The following AGMO variants were observed in gnomAD, a reference collection of about 807,000 sequenced individuals.
AGMO encodes glyceryl-ether monooxygenase.
AGMO carries 75 observed loss-of-function variants against 60.2 expected under a neutral mutation model. That is an observed-to-expected ratio of 1.25 (90% CI 1.03 to 1.51). The LOEUF (loss-of-function observed/expected upper bound fraction) is 1.51, where lower values mean the gene tolerates loss of function less well. Ranked by LOEUF, AGMO falls within the 40% of genes most tolerant of loss-of-function variation. The probability of loss-of-function intolerance (pLI) is 0.00; values close to 1 mark genes in which losing one functional copy is unlikely to be tolerated. For synonymous variants in AGMO, 261 were observed against 177.1 expected, an observed-to-expected ratio of 1.47 and a Z score of -3.76; for missense variants, 763 against 525.5, an observed-to-expected ratio of 1.45 and a Z score of -4.42.
Position 15,537,586 on chromosome 7 carries a change from G to A in AGMO, c.409+7186C>T, listed in dbSNP as rs565211433. Among the ~76,000 whole-genome samples, 27 of 152,026 alleles carry A rather than the reference G, an allele frequency of 1.8e-4. No homozygotes were observed. The South Asian group carries it at 5.4e-3, about 30-fold the overall frequency. On this transcript the variant is annotated intron_variant, in intron 3 of 12. Coordinates refer to ENST00000342526, the MANE Select transcript of AGMO (RefSeq NM_001004320.2). ...CCCTCGGTTCTCCTAATTATTCCTG[G>A]AAATATTTCTATACTTTACAATCAA... is the stretch of plus-strand genomic sequence containing the variant.
intron 3 of AGMO, among the ~76,000 whole-genome samples, chr7:15,452,786 C>T (rs1055094139): frequency 2.0e-5 from 3 of 152,156 alleles, no homozygotes; most frequent in Non-Finnish European, 2.9e-5. Flanking sequence ...CACAGATGCA[C>T]TTCACAGCAT....
intron 3 of AGMO, among the ~76,000 whole-genome samples, chr7:15,530,751 T>C (rs928790639): frequency 7.1e-6 from 1 of 141,286 alleles, no homozygotes; most frequent in Non-Finnish European, 1.5e-5. Context: ...CATTTCTATA[T>C]AGATATTCTA....
chr7:15,291,520 A>T (rs1784263843), intron 12 of AGMO, among the ~76,000 whole-genome samples: 1 of 152,206 alleles, frequency 6.6e-6, no homozygotes, highest in African/African-American at 2.4e-5. Context: ...ATTAAGGAGA[A>T]AGAAACTCTT....
chr7:15,358,153 AAG>A (rs1782611106), intron 12 of AGMO: 1 of 188,774 alleles, frequency 5.3e-6, no homozygotes, highest in Non-Finnish European at 1.1e-5. Flanking sequence ...CATTCTATTT[AAG>A]AGTTGAAATT....
the AGMO span, among the ~76,000 whole-genome samples, chr7:15,148,093 CTATT>C: frequency 1.3e-4 from 19 of 151,710 alleles, no homozygotes; most frequent in South Asian, 1.3e-3. Context: ...AAAATACTTA[CTATT>C]TATTTAGACT....
intron 5 of AGMO, among the ~76,000 whole-genome samples, chr7:15,410,515 G>T (rs1784809746): frequency 1.3e-5 from 2 of 151,750 alleles, no homozygotes; most frequent in East Asian, 1.9e-4. Context: ...AAATTTGATT[G>T]CATTTATTCA....
At chr7:15,118,167 AAGAGAAAC>A in the AGMO span, among the ~76,000 whole-genome samples, 3 of 58,588 alleles carry the variant, frequency 5.1e-5, no homozygotes, top group African/African-American at 1.7e-4. Context: ...AAAACCACTA[AAGAGAAAC>A]ACACACACAC....
chr7:15,130,059 C>T, the AGMO span, among the ~76,000 whole-genome samples: 1 of 151,942 alleles, frequency 6.6e-6, no homozygotes, highest in South Asian at 2.1e-4. Flanking sequence ...ACATGCGATT[C>T]CTCCCCCTTT....
At chr7:15,246,153 G>C (rs924780255) in intron 12 of AGMO, among the ~76,000 whole-genome samples, 1 of 152,146 alleles carries the variant, frequency 6.6e-6, no homozygotes, top group Non-Finnish European at 1.5e-5. Context: ...TAGGGATTAA[G>C]TTTTATGCCA....
intron 10 of AGMO, among the ~76,000 whole-genome samples, chr7:15,379,085 A>G (rs1341278774): frequency 2.5e-4 from 38 of 152,064 alleles, no homozygotes; most frequent in Non-Finnish European, 1.0e-4. Context: ...GACACAACAC[A>G]CAACATACCA....
At chr7:15,525,523 C>A (rs1370036488) in intron 3 of AGMO, among the ~76,000 whole-genome samples, 1 of 152,106 alleles carries the variant, frequency 6.6e-6, no homozygotes, top group East Asian at 1.9e-4. Context: ...AAAGCCCCAG[C>A]TGAGAGAGAG....
At chr7:15,198,634 G>T (rs1781197369), downstream of AGMO, among the ~76,000 whole-genome samples, 1 of 152,132 alleles carries the variant, frequency 6.6e-6, no homozygotes, top group African/African-American at 2.4e-5. Flanking sequence ...CGGAGACTGG[G>T]TTTTTTAAGG....
chr7:15,459,323 AACAG>A (rs1360901592), intron 3 of AGMO, among the ~76,000 whole-genome samples: 11 of 152,260 alleles, frequency 7.2e-5, no homozygotes, highest in Middle Eastern at 3.4e-3. Flanking sequence ...TTTATGCAAA[AACAG>A]CGTAAGTGAT....
intron 12 of AGMO, among the ~76,000 whole-genome samples, chr7:15,226,164 G>C (rs934147590): frequency 6.6e-6 from 1 of 151,916 alleles, no homozygotes; most frequent in Non-Finnish European, 1.5e-5. Flanking sequence ...CCTGAGCTTG[G>C]AGGATTTCCA....
chr7:15,241,087 G>A (rs541905248), intron 12 of AGMO, among the ~76,000 whole-genome samples: 1 of 152,258 alleles, frequency 6.6e-6, no homozygotes, highest in Non-Finnish European at 1.5e-5. Context: ...AAGTCAGTCA[G>A]TTCCTATCAG....
chr7:15,443,946 C>T (rs1229051202), intron 3 of AGMO, among the ~76,000 whole-genome samples: 4 of 152,114 alleles, frequency 2.6e-5, no homozygotes, highest in Admixed American at 2.0e-4. Context: ...TCATTTTCTT[C>T]AAGAAACTAT....
intron 12 of AGMO, among the ~76,000 whole-genome samples, chr7:15,225,029 G>C (rs1232593164): frequency 1.3e-5 from 2 of 151,836 alleles, no homozygotes; most frequent in Non-Finnish European, 2.9e-5. Flanking sequence ...AGTTTGGGGA[G>C]ACATCATTAA....
At chr7:15,545,382 CA>C (rs1784750830) in intron 2 of AGMO, among the ~76,000 whole-genome samples, 1 of 152,072 alleles carries the variant, frequency 6.6e-6, no homozygotes, top group Admixed American at 6.5e-5. Flanking sequence ...CTACTGCATT[CA>C]AATATTTTGA....
At position 15,397,970 on chromosome 7, in the gene AGMO, G is replaced by C. The variant is rs573632091; in HGVS notation, c.610-3791C>G. 5.9e-5 allele frequency among the ~76,000 whole-genome samples: 9 copies of C among 152,288 alleles called. No homozygotes were observed. The South Asian group carries it at 1.9e-3, about 32-fold the overall frequency. On this transcript the variant is annotated intron_variant, in intron 5 of 12. Coordinates refer to ENST00000342526, the MANE Select transcript of AGMO (RefSeq NM_001004320.2). Reference sequence around the variant, plus strand: ...GTTAAGAAAAATGGTGGAAAATAGAGAACAAGAAAGTGGGGGATCCTCAGC... The same window carrying C: ...GTTAAGAAAAATGGTGGAAAATAGACAACAAGAAAGTGGGGGATCCTCAGC...
Sources: allele counts gnomAD v4.1 joint callset (sites outside exome capture counted in the v4.1 genomes callset), GRCh38; gene constraint gnomAD v4.1.1; transcripts MANE v1.5; gene names NCBI Gene and HGNC (gene_info 2026-07-23, HGNC 2026-07-21).